NRXN1: variants seen among roughly 807,000 people sequenced by gnomAD.
NRXN1 encodes the protein neurexin 1.
A neutral mutation model predicts 150.9 loss-of-function variants in NRXN1; 39 were observed. The observed-to-expected ratio is 0.26, with a 90% confidence interval of 0.20 to 0.34. NRXN1 has a LOEUF of 0.34. NRXN1 is among the 10% of genes least tolerant of loss of function. The pLI, the probability that NRXN1 is intolerant of heterozygous loss-of-function variation, is 1.00. For missense variants in NRXN1, 1,815 were observed against 1,949.9 expected (o/e 0.93, Z 1.30); for synonymous variants, 924 against 757.0 (o/e 1.22, Z -3.62).
intron 18 of NRXN1, among the ~76,000 whole-genome samples, chr2:50,181,891 CAGG>C (rs1405796566): frequency 6.6e-6 from 1 of 151,980 alleles, no homozygotes; most frequent in African/African-American, 2.4e-5. Context: ...CTGCAAAGGT[CAGG>C]AACAGGTCTG....
At chr2:50,988,771 T>C (rs1017612008) in intron 2 of NRXN1, among the ~76,000 whole-genome samples, 43 of 152,010 alleles carry the variant, frequency 2.8e-4, no homozygotes, top group Admixed American at 2.6e-4. Flanking sequence ...AAGCTTCAAA[T>C]GGTTTTTCCC....
chr2:50,465,745 T>A (rs2088766540), intron 16 of NRXN1, among the ~76,000 whole-genome samples, 184 bp from the exon 17 acceptor site: 1 of 151,856 alleles, frequency 6.6e-6, no homozygotes, highest in Non-Finnish European at 1.5e-5. Context: ...TTTTCTTAAG[T>A]TTCAAGTATA....
chr2:50,106,150 A>G (rs1701609695), intron 18 of NRXN1, among the ~76,000 whole-genome samples: 1 of 151,776 alleles, frequency 6.6e-6, no homozygotes, highest in Non-Finnish European at 1.5e-5. Flanking sequence ...TATAATTTGT[A>G]ATTATTTAAA....
At chr2:50,818,930 G>T (rs67366248) in intron 5 of NRXN1, among the ~76,000 whole-genome samples, 13,408 of 152,014 alleles carry the variant, frequency 0.088, 706 homozygotes, top group Admixed American at 0.092. Context: ...CAGTAATCAA[G>T]CAAGGAAATG....
chr2:50,916,761 T>C (rs1179370833), intron 5 of NRXN1: 4 of 151,608 alleles, frequency 2.6e-5, no homozygotes, highest in South Asian at 2.1e-4. Context: ...AATGTTATCA[T>C]TGTTTAAGGA....
intron 13 of NRXN1, among the ~76,000 whole-genome samples, chr2:50,500,298 TA>T (rs1393209982): frequency 1.3e-5 from 2 of 151,610 alleles, no homozygotes; most frequent in Admixed American, 6.6e-5. Context: ...GCATAAATAA[TA>T]AAAAGGTAGT....
intron 18 of NRXN1, among the ~76,000 whole-genome samples, chr2:50,189,673 A>G (rs1240377231): frequency 1.3e-5 from 2 of 152,260 alleles, no homozygotes; most frequent in East Asian, 3.9e-4. Flanking sequence ...AACTGGTAAG[A>G]AGGAAGTCAC....
intron 8 of NRXN1, among the ~76,000 whole-genome samples, chr2:50,596,530 G>T (rs1482239462): frequency 6.6e-6 from 1 of 152,210 alleles, no homozygotes; most frequent in Non-Finnish European, 1.5e-5. Flanking sequence ...GTTTGGAATA[G>T]AAATGTCTAA....
chr2:50,774,050 C>G (rs915727532), intron 5 of NRXN1, among the ~76,000 whole-genome samples: 3 of 152,090 alleles, frequency 2.0e-5, no homozygotes, highest in African/African-American at 7.2e-5. Context: ...ACTAGCTGAT[C>G]AGTATATCGA....
chr2:49,948,476 T>C lies in NRXN1; in HGVS notation c.4129-4685A>G, dbSNP rs143008213. On this transcript the variant is annotated intron_variant, in intron 21 of 22. Coordinates refer to ENST00000401669, the MANE Select transcript of NRXN1 (RefSeq NM_001330078.2). ...CTGGTATAATGAAATACGTTCTTGA[T>C]TTTCATATATGTTTTTCCTCCAGAA... 5.9e-5 allele frequency among the ~76,000 whole-genome samples: 9 copies of C among 152,208 alleles called. No individual in the cohort carries two copies. In the East Asian group the frequency reaches 1.7e-3, roughly 29 times the overall value.
intron 2 of NRXN1, among the ~76,000 whole-genome samples, chr2:50,943,406 G>T (rs2104510472): frequency 6.6e-6 from 1 of 152,254 alleles, no homozygotes; most frequent in Non-Finnish European, 1.5e-5. Flanking sequence ...AGATTAGAAA[G>T]CTATGGTCCA....
At chr2:50,515,598 GGGGT>G (rs1418030500) in intron 12 of NRXN1, among the ~76,000 whole-genome samples, 2 of 119,944 alleles carry the variant, frequency 1.7e-5, no homozygotes, top group South Asian at 5.1e-4. Context: ...TTAAATGCTT[GGGGT>G]GTGTGTGTGT....
At chr2:50,728,384 GCTTT>G (rs1212308706) in intron 5 of NRXN1, among the ~76,000 whole-genome samples, 1 of 152,098 alleles carries the variant, frequency 6.6e-6, no homozygotes, top group Non-Finnish European at 1.5e-5. Flanking sequence ...TTAAGGACTG[GCTTT>G]CTGAGTTTGA....
chr2:50,781,316 T>C (rs2105517028), intron 5 of NRXN1, among the ~76,000 whole-genome samples: 1 of 152,082 alleles, frequency 6.6e-6, no homozygotes, highest in Middle Eastern at 3.4e-3. Context: ...GGAAACCCTA[T>C]ATCTGTGTTC....
intron 5 of NRXN1, among the ~76,000 whole-genome samples, chr2:50,826,773 T>C (rs1233636261): frequency 6.6e-6 from 1 of 152,166 alleles, no homozygotes; most frequent in African/African-American, 2.4e-5. Context: ...AAGTTTGAGA[T>C]AGCTCTTAGA....
intron 5 of NRXN1, among the ~76,000 whole-genome samples, chr2:50,727,907 C>T (rs571428378): frequency 6.6e-6 from 1 of 152,108 alleles, no homozygotes; most frequent in Admixed American, 6.5e-5. Context: ...TTACTGTCAG[C>T]GTTATTGTTA....
At chr2:50,752,923 A>G (rs377199985) in intron 5 of NRXN1, among the ~76,000 whole-genome samples, 1 of 151,970 alleles carries the variant, frequency 6.6e-6, no homozygotes, top group East Asian at 1.9e-4. Context: ...AAATTAAGCA[A>G]TGTAATAGTT....
chr2:50,956,368 T>G (rs927255771), intron 2 of NRXN1, among the ~76,000 whole-genome samples: 2 of 152,152 alleles, frequency 1.3e-5, no homozygotes, highest in African/African-American at 4.8e-5. Context: ...TTGGAACATA[T>G]TCCCCTCATG....
intron 22 of NRXN1, among the ~76,000 whole-genome samples, chr2:49,932,479 CCCTTTCA>C (rs1670306740): frequency 6.6e-6 from 1 of 151,954 alleles, no homozygotes; most frequent in Admixed American, 6.6e-5. Context: ...TTTCCTTTTC[CCCTTTCA>C]CCTTTCTTTC....
Sources: gnomAD v4.1 joint callset for allele counts (sites outside exome capture counted in the v4.1 genomes callset) on GRCh38, gnomAD v4.1.1 for gene constraint, MANE v1.5 for transcripts, NCBI Gene and HGNC (gene_info 2026-07-23, HGNC 2026-07-21) for gene names.